The following GRIK2 variants were observed in gnomAD, a reference collection of about 807,000 sequenced individuals.
The protein encoded by GRIK2 is glutamate receptor ionotropic, kainate 2.
GRIK2 carries 32 observed loss-of-function variants against 100.3 expected under a neutral mutation model. The ratio of observed to expected loss-of-function variants is 0.32; its 90% CI spans 0.24 to 0.43. The LOEUF (loss-of-function observed/expected upper bound fraction) is 0.43. GRIK2 is among the 20% of genes least tolerant of loss of function. GRIK2 has a pLI of 1.00. For synonymous variants in GRIK2, 417 were observed against 389.4 expected, an observed-to-expected ratio of 1.07 and a Z score of -0.83; for missense variants, 843 against 1,114.9, an observed-to-expected ratio of 0.76 and a Z score of 3.47.
chr6:101,408,094 G>A (rs1037173416), intron 2 of GRIK2, among the ~76,000 whole-genome samples: 1 of 152,114 alleles, frequency 6.6e-6, no homozygotes, highest in Non-Finnish European at 1.5e-5. Flanking sequence ...AGGTTACAGG[G>A]TTTAGACTAC....
chr6:101,738,002 G>A (rs996756093), intron 7 of GRIK2, among the ~76,000 whole-genome samples: 2 of 152,152 alleles, frequency 1.3e-5, no homozygotes, highest in Non-Finnish European at 2.9e-5. Flanking sequence ...TCAGGCCTAA[G>A]AAGATAGAGA....
At chr6:101,852,625 G>C (rs910530846) in intron 10 of GRIK2, among the ~76,000 whole-genome samples, 1 of 152,120 alleles carries the variant, frequency 6.6e-6, no homozygotes, top group African/African-American at 2.4e-5. Context: ...GTCTAGTTCA[G>C]AAGGCTTACA....
At chr6:101,466,311 AT>A (rs576326891) in intron 2 of GRIK2, among the ~76,000 whole-genome samples, 95 of 150,932 alleles carry the variant, frequency 6.3e-4, no homozygotes, top group African/African-American at 2.2e-3. Flanking sequence ...ATTCTATTTT[AT>A]TTTTTATTAT....
intron 14 of GRIK2, among the ~76,000 whole-genome samples, chr6:101,965,465 G>A (rs1286334608): frequency 6.6e-6 from 1 of 151,922 alleles, no homozygotes; most frequent in African/African-American, 2.4e-5. Flanking sequence ...ATCTGTCATT[G>A]TTCTCCCTCA....
At chr6:101,506,335 C>G (rs1774025501) in intron 2 of GRIK2, among the ~76,000 whole-genome samples, 1 of 152,074 alleles carries the variant, frequency 6.6e-6, no homozygotes, top group African/African-American at 2.4e-5. Flanking sequence ...TATTAAAATT[C>G]AAAAATCCAT....
chr6:102,042,223 T>G (rs1562133013), intron 15 of GRIK2, among the ~76,000 whole-genome samples: 1 of 151,634 alleles, frequency 6.6e-6, no homozygotes. Context: ...ACAATCTTTT[T>G]AGTAAACAGA....
At chr6:101,935,050 G>A (rs1385168177) in intron 14 of GRIK2, among the ~76,000 whole-genome samples, 1 of 151,978 alleles carries the variant, frequency 6.6e-6, no homozygotes, top group Non-Finnish European at 1.5e-5. Flanking sequence ...GTAGTTGTCT[G>A]TAGGAAAAGG....
At chr6:101,415,516 G>A (rs1341092120) in intron 2 of GRIK2, among the ~76,000 whole-genome samples, 1 of 151,520 alleles carries the variant, frequency 6.6e-6, no homozygotes, top group African/African-American at 2.4e-5. Flanking sequence ...GAATACAGGC[G>A]CCCGCCACCA....
intron 14 of GRIK2, among the ~76,000 whole-genome samples, chr6:102,000,519 G>A (rs561682734): frequency 1.3e-5 from 2 of 152,010 alleles, no homozygotes; most frequent in Non-Finnish European, 2.9e-5. Flanking sequence ...AAGAACATGA[G>A]GTATTTGGTT....
Position 101,486,290 on chromosome 6 carries a change from C to T in GRIK2, c.115+86898C>T, listed in dbSNP as rs549164515. Among the ~76,000 whole-genome samples, 20 of 146,868 alleles carry T rather than the reference C, an allele frequency of 1.4e-4. No homozygotes were observed. In the South Asian group the frequency reaches 3.0e-3, roughly 22 times the overall value. ...AAGAAGTCTGTGAATCAGTAGTAAC[C>T]GAGCATTTGTGAGGCCAGCTTTCCA... On this transcript the variant is annotated intron_variant, in intron 2 of 16. Coordinates refer to ENST00000369134, the MANE Select transcript of GRIK2 (RefSeq NM_021956.5).
chr6:101,515,455 C>T (rs1774536995), intron 2 of GRIK2, among the ~76,000 whole-genome samples: 1 of 152,060 alleles, frequency 6.6e-6, no homozygotes, highest in South Asian at 2.1e-4. Context: ...CTGGATTAAA[C>T]AGTAGTTCTA....
In GRIK2 at chr6:101,592,985, A is replaced by C. The variant is rs200305019; in HGVS notation, c.116-28964A>C. 2.6e-5 allele frequency among the ~76,000 whole-genome samples: 4 copies of C among 151,942 alleles called. No homozygotes were observed. In the East Asian group the frequency reaches 7.8e-4, roughly 29 times the overall value. ...AAAAACAAATTACCAGATTAATGAT[A>C]TAGGCAATTGTTGCTGCAGGAGTTT... On this transcript the variant is annotated intron_variant, in intron 2 of 16. Transcript: ENST00000369134.
chr6:101,794,999 G>A (rs1780193474), intron 7 of GRIK2, among the ~76,000 whole-genome samples: 1 of 151,690 alleles, frequency 6.6e-6, no homozygotes, highest in Admixed American at 6.6e-5. Flanking sequence ...ACAAGTAGCT[G>A]GAATTACAGG....
intron 1 of GRIK2, among the ~76,000 whole-genome samples, chr6:101,394,463 A>G (rs1774923214): frequency 6.6e-6 from 1 of 152,214 alleles, no homozygotes; most frequent in South Asian, 2.1e-4. Context: ...TTACCAAACA[A>G]CACGACCGAG....
At chr6:101,824,583 G>A (rs1237886075) in intron 10 of GRIK2, among the ~76,000 whole-genome samples, 2 of 152,106 alleles carry the variant, frequency 1.3e-5, no homozygotes, top group Non-Finnish European at 2.9e-5. Flanking sequence ...AAGATTAGTA[G>A]CATTTAAATG....
At chr6:101,874,038 C>T (rs961177720) in intron 11 of GRIK2, among the ~76,000 whole-genome samples, 4 of 151,996 alleles carry the variant, frequency 2.6e-5, no homozygotes, top group Admixed American at 6.6e-5. Flanking sequence ...TTCTCCCATT[C>T]TGAAGGTTGC....
intron 2 of GRIK2, among the ~76,000 whole-genome samples, chr6:101,401,792 A>G (rs1022967489): frequency 5.3e-5 from 8 of 152,214 alleles, no homozygotes; most frequent in African/African-American, 1.7e-4. Context: ...AAGTCCAGCC[A>G]GTGCCTCATG....
intron 2 of GRIK2, among the ~76,000 whole-genome samples, chr6:101,587,849 A>G (rs1160704220): frequency 4.6e-5 from 7 of 152,114 alleles, no homozygotes; most frequent in African/African-American, 7.2e-5. Flanking sequence ...CTATGCACAG[A>G]CACTCTCTGA....
chr6:102,050,676 G>A (rs1389286435), intron 15 of GRIK2, among the ~76,000 whole-genome samples: 20 of 127,838 alleles, frequency 1.6e-4, no homozygotes, highest in South Asian at 2.5e-4. Context: ...AACGGAATAA[G>A]AAATAAAAAG....
Sources: gnomAD v4.1 joint callset for allele counts (sites outside exome capture counted in the v4.1 genomes callset) on GRCh38, gnomAD v4.1.1 for gene constraint, MANE v1.5 for transcripts, NCBI Gene and HGNC (gene_info 2026-07-23, HGNC 2026-07-21) for gene names.